The following FKBP15 variants were observed in gnomAD, a reference collection of about 807,000 sequenced individuals.
The protein encoded by FKBP15 is FKBP prolyl isomerase family member 15, also known as FK506-binding protein 15.
In FKBP15, 106 loss-of-function variants were observed where a neutral mutation model predicts 158.1. The observed-to-expected ratio is 0.67, with a 90% CI of 0.57 to 0.79. The LOEUF is 0.79. Ranked by LOEUF, FKBP15 falls within the 30% of genes least tolerant of loss-of-function variation. FKBP15 has a pLI of 0.00. For missense variants in FKBP15, 1,287 were observed against 1,479.1 expected, an observed-to-expected ratio of 0.87 and a Z score of 2.13; for synonymous variants, 547 against 548.6, an observed-to-expected ratio of 1.00 and a Z score of 0.04.
At chr9:113,205,817 A>C (rs1830874827) in intron 4 of FKBP15, among the ~76,000 whole-genome samples, 1 of 152,254 alleles carries the variant, frequency 6.6e-6, no homozygotes, top group Admixed American at 6.5e-5. Context: ...ATATACCTAC[A>C]ATGAAATATT....
chr9:113,208,070 G>A (rs966756122), intron 2 of FKBP15, among the ~76,000 whole-genome samples: 10 of 152,146 alleles, frequency 6.6e-5, no homozygotes, highest in African/African-American at 1.4e-4. Context: ...TAGGCTGGGC[G>A]CAGTGGCTCG....
intron 2 of FKBP15, among the ~76,000 whole-genome samples, chr9:113,208,600 A>G (rs1439230304): frequency 6.6e-6 from 1 of 152,222 alleles, no homozygotes; most frequent in African/African-American, 2.4e-5. Context: ...CACATAAATT[A>G]AAATGCAACA....
In FKBP15 at chr9:113,184,275, T is replaced by G; in HGVS notation, c.1716+17A>C. The G allele has an allele frequency of 6.4e-7, 1 of 1,554,746 alleles. No individual in the cohort carries two copies. Among genetic ancestry groups the G allele is most frequent in the Non-Finnish European group, 8.8e-7 (1 of 1,139,320 alleles). ...TAAGACCTTCAGCCTGAGTGGTATG[T>G]TCTTAATCACCCTCACCTGAATGAT... On this transcript the variant is annotated intron_variant, in intron 17 of 27. Transcript: ENST00000238256. This position sits in a 1 kb window ranked among gnomAD's most constrained non-coding sequence, Gnocchi z 4.5.
rs111382544 is a variant in FKBP15, at chr9:113,169,310, A to G, written c.3399T>C (p.Gly1133=). Residue 1133 remains glycine (G), a synonymous_variant, in exon 26 of 28, where the codon GGT becomes GGC. Coordinates refer to ENST00000238256, the MANE Select transcript of FKBP15 (RefSeq NM_015258.2). Reference sequence around the variant, plus strand: ...CTGTGCTTGACAGCTCCTTGTGGGGACCGGTGGAGCTAGTGACATCATCTT... The same window carrying G: ...CTGTGCTTGACAGCTCCTTGTGGGGGCCGGTGGAGCTAGTGACATCATCTT... ...LKKDDVTSST[G]PHKELSSTEA... is the part of the protein sequence containing the mutation. 1 of 1,613,932 alleles carries G rather than the reference A, an allele frequency of 6.2e-7. No homozygotes were observed. The highest frequency in any genetic ancestry group is 1.7e-5 in the Admixed American group (1 of 60,022).
chr9:113,167,913 T>G (rs949932499), intron 27 of FKBP15, among the ~76,000 whole-genome samples: 1 of 152,110 alleles, frequency 6.6e-6, no homozygotes, highest in Non-Finnish European at 1.5e-5. Flanking sequence ...CCAGGGATAT[T>G]GTGATGACAA....
chr9:113,208,108 C>T (rs959570520), intron 2 of FKBP15, among the ~76,000 whole-genome samples: 1 of 152,132 alleles, frequency 6.6e-6, no homozygotes, highest in Non-Finnish European at 1.5e-5. Context: ...CTTTGGCAGG[C>T]CGAGGCAGGT....
At chr9:113,219,967 G>GAGC (rs1831217602) in intron 1 of FKBP15, among the ~76,000 whole-genome samples, 2 of 152,196 alleles carry the variant, frequency 1.3e-5, no homozygotes, top group African/African-American at 2.4e-5. Flanking sequence ...TAAAAGGTAG[G>GAGC]TAATATAGAG....
At position 113,202,564 on chromosome 9, in the gene FKBP15, C is replaced by T; in HGVS notation, c.465G>A (p.Glu155=). ...TGAACTCCACAGCAGCCTTTTCCGA[C>T]TCAAACATGATGGACCAGTTCTGTC... The part of the protein sequence containing the change: ...DQRQNWSIMF[E]SEKAAVEFNK... Residue 155 remains glutamate, a synonymous_variant, in exon 6 of 28, where the codon GAG becomes GAA. Transcript: ENST00000238256. 1 of 1,585,232 alleles carries T rather than the reference C, an allele frequency of 6.3e-7. No individual in the cohort carries two copies. Among genetic ancestry groups the T allele is most frequent in the Non-Finnish European group, 8.6e-7 (1 of 1,164,590 alleles).
chr9:113,208,356 CA>C (rs1441072439), intron 2 of FKBP15, among the ~76,000 whole-genome samples: 2 of 151,094 alleles, frequency 1.3e-5, no homozygotes, highest in East Asian at 3.9e-4. Context: ...AAAAAAACAA[CA>C]AAAAAAAGGG....
At chr9:113,191,561 C>T (rs928459589) in intron 11 of FKBP15, among the ~76,000 whole-genome samples, 9 of 150,778 alleles carry the variant, frequency 6.0e-5, no homozygotes, top group African/African-American at 1.2e-4. Flanking sequence ...CTTATGCACA[C>T]AATGGAATAT....
chr9:113,173,740 A>G (rs1830255604), intron 22 of FKBP15, 135 bp from the exon 23 acceptor site: 1 of 861,830 alleles, frequency 1.2e-6, no homozygotes, highest in Middle Eastern at 3.7e-4. Context: ...ACTGTTTAAA[A>G]GACTCATTAC....
At chr9:113,211,282 C>T (rs533755476) in intron 2 of FKBP15, among the ~76,000 whole-genome samples, 195 bp downstream of exon 2, 1 of 152,260 alleles carries the variant, frequency 6.6e-6, no homozygotes, top group Admixed American at 6.5e-5. Context: ...CCTCAGCCCC[C>T]CTAGTAGCTG....
chr9:113,177,660 A>G (rs889647640), intron 20 of FKBP15, among the ~76,000 whole-genome samples: 1 of 152,144 alleles, frequency 6.6e-6, no homozygotes, highest in Non-Finnish European at 1.5e-5. Flanking sequence ...AAGGGAAGGG[A>G]TGTATCTTCA....
rs770783434 is a variant in FKBP15, at chr9:113,170,549, A to G, written c.2739T>C (p.Ile913=). Residue 913 remains isoleucine, a synonymous_variant, in exon 25 of 28, where the codon ATT becomes ATC. Transcript: ENST00000238256. ...TGATCGTATTCATGATGGTTCCCAGAATGGTCCTGCCATTGTAAGATTCCT... is the reference window on the plus strand; with the variant it reads ...TGATCGTATTCATGATGGTTCCCAGGATGGTCCTGCCATTGTAAGATTCCT... The part of the protein sequence containing the change: ...ELEESYNGRT[I]LGTIMNTIKM... The G allele has an allele frequency of 2.8e-5, 45 of 1,613,528 alleles. No individual in the cohort carries two copies. The highest frequency in any genetic ancestry group is 3.4e-5 in the Non-Finnish European group (40 of 1,179,546).
At position 113,188,393 on chromosome 9, in the gene FKBP15, TGA is replaced by T; in HGVS notation, c.1270_1271del (p.Ser424ThrfsTer79). 6.2e-7 allele frequency: 1 copy of T among 1,613,246 alleles called. No individual in the cohort carries two copies. Among genetic ancestry groups the T allele is most frequent in the Non-Finnish European group, 8.5e-7 (1 of 1,179,274 alleles). On this transcript the variant is annotated frameshift_variant, in exon 13 of 28. Transcript: ENST00000238256. LOFTEE classifies it high-confidence loss of function. ...PAHPALPQMT[S>X]QAPQPSVTGL... ...AGCCTCAGAGAGGTTCCTTACCCTG[TGA>T]GGTCATCTGTGGTAACGCTGGATGG...
intron 6 of FKBP15, among the ~76,000 whole-genome samples, chr9:113,200,773 C>T (rs1269118917): frequency 1.3e-5 from 2 of 152,022 alleles, no homozygotes; most frequent in Admixed American, 6.6e-5. Flanking sequence ...AGGCTGGGTA[C>T]GGTGGCTCAC....
In FKBP15 at chr9:113,168,485, G is replaced by C. The variant is rs1251147101; in HGVS notation, c.3557C>G (p.Pro1186Arg). The change falls in exon 27 of 28, where the codon CCT (proline) becomes CGT (arginine). Residue 1186 changes from proline to arginine, a missense_variant. Physicochemically the swap from Pro to Arg is moderately radical, Grantham distance 103. Coordinates refer to ENST00000238256, the MANE Select transcript of FKBP15 (RefSeq NM_015258.2). The part of the protein sequence containing the change: ...TLKALRPKAQ[P>R]EEEDEDEVSM... ...CACCTCGTCTTCATCCTCCTCCTCA[G>C]GCTGTGCTTTGGGCCTCAGAGCTTT... 5 of 1,613,960 alleles carry C rather than the reference G, an allele frequency of 3.1e-6. No individual in the cohort carries two copies. In the South Asian group the frequency reaches 5.5e-5, roughly 18 times the overall value.
chr9:113,184,587 C>T lies in FKBP15; in HGVS notation c.1608+108G>A. 1 of 982,320 alleles carries T rather than the reference C, an allele frequency of 1.0e-6. No individual in the cohort carries two copies. The highest frequency in any genetic ancestry group is 1.6e-6 in the Non-Finnish European group (1 of 637,726). The allele number at this position is 982,320 out of a possible 1,614,324, so 60.9% of individuals were successfully genotyped here. On this transcript the variant is annotated intron_variant, in intron 16 of 27. Coordinates refer to ENST00000238256, the MANE Select transcript of FKBP15 (RefSeq NM_015258.2). The surrounding 1 kb of genome is among the most constrained non-coding windows in gnomAD (Gnocchi z 4.5). ...ATAACTATCCTTGTAGGGAAATAAC[C>T]TCTCACTACTACCAATGCAGGAAAT...
chr9:113,165,481 C>T lies in FKBP15; in HGVS notation c.*597G>A, dbSNP rs910494051. The T allele has an allele frequency of 6.6e-6, 1 of 152,224 alleles. No individual in the cohort carries two copies. The highest frequency in any genetic ancestry group is 2.4e-5 in the African/African-American group (1 of 41,430). The allele number at this position is 152,224 out of a possible 1,614,324, so 9.4% of individuals were successfully genotyped here. The stretch of plus-strand genomic sequence containing the variant: ...AGATTCCCAAAAGAGCACAGACAGC[C>T]CTTGGAACCAAACTCAATTTTTCTC... On this transcript the variant is annotated 3_prime_UTR_variant, in exon 28 of 28. Transcript: ENST00000238256.
Sources: gnomAD v4.1 joint callset for allele counts (sites outside exome capture counted in the v4.1 genomes callset) on GRCh38, gnomAD v4.1.1 for gene constraint, Gnocchi (gnomAD v3.1) non-coding constraint, MANE v1.5 for transcripts, NCBI Gene and HGNC (gene_info 2026-07-23, HGNC 2026-07-21) for gene names.